POFUT3: variants seen among roughly 807,000 people sequenced by gnomAD.
POFUT3 encodes the protein GDP-fucose protein O-fucosyltransferase 3.
the POFUT3 span, among the ~76,000 whole-genome samples, chr8:33,380,134 A>AC: frequency 4.9e-4 from 36 of 73,408 alleles, 2 homozygotes; most frequent in Non-Finnish European, 7.0e-4. Context: ...CTATATATAT[A>AC]TACTATATAT....
the POFUT3 span, among the ~76,000 whole-genome samples, chr8:33,342,705 T>TA: frequency 6.6e-6 from 1 of 152,134 alleles, no homozygotes; most frequent in Non-Finnish European, 1.5e-5. Flanking sequence ...ACTCAAACAT[T>TA]GTTAGTAGGA....
At chr8:33,375,547 C>T in the POFUT3 span, among the ~76,000 whole-genome samples, 19 of 151,730 alleles carry the variant, frequency 1.3e-4, no homozygotes, top group South Asian at 4.0e-3. Context: ...CTGACAGGTA[C>T]ATGGAAAAAT....
the POFUT3 span, among the ~76,000 whole-genome samples, chr8:33,315,528 G>A: frequency 9.7e-4 from 147 of 152,192 alleles, 1 homozygote; most frequent in East Asian, 7.4e-3. Context: ...TGTGACGGTC[G>A]TGAAGAGGGG....
the POFUT3 span, among the ~76,000 whole-genome samples, chr8:33,366,436 T>TA: frequency 4.0e-4 from 58 of 144,580 alleles, no homozygotes; most frequent in South Asian, 2.2e-3. Context: ...ACTTTTCAAC[T>TA]AAAAAAAAAA....
At chr8:33,428,128 GA>G in the POFUT3 span, among the ~76,000 whole-genome samples, 3 of 148,290 alleles carry the variant, frequency 2.0e-5, no homozygotes, top group Non-Finnish European at 3.0e-5. Context: ...GTCTCAAAAA[GA>G]AAAAAAAAAT....
chr8:33,378,401 A>G, the POFUT3 span, among the ~76,000 whole-genome samples: 1 of 152,162 alleles, frequency 6.6e-6, no homozygotes, highest in African/African-American at 2.4e-5. Context: ...CTAGAATCCT[A>G]TCATGATACC....
At chr8:33,410,403 G>C in the POFUT3 span, among the ~76,000 whole-genome samples, 1 of 152,128 alleles carries the variant, frequency 6.6e-6, no homozygotes, top group Non-Finnish European at 1.5e-5. Flanking sequence ...GCAAATAGCT[G>C]GCATCTGGGC....
chr8:33,363,483 C>T, the POFUT3 span, among the ~76,000 whole-genome samples: 8 of 151,734 alleles, frequency 5.3e-5, no homozygotes, highest in East Asian at 3.9e-4. Flanking sequence ...ATTCAGAAGC[C>T]GGTTTTTTGA....
chr8:33,433,872 G>C, the POFUT3 span, among the ~76,000 whole-genome samples: 1 of 151,954 alleles, frequency 6.6e-6, no homozygotes, highest in African/African-American at 2.4e-5. Context: ...GGAGGCTGAA[G>C]TGGGAGGATC....
At chr8:33,449,934 T>TC in the POFUT3 span, among the ~76,000 whole-genome samples, 1 of 112,744 alleles carries the variant, frequency 8.9e-6, no homozygotes, top group African/African-American at 3.5e-5. Context: ...ATGAAGCTTT[T>TC]CTTTTTTTTT....
chr8:33,428,745 T>A, the POFUT3 span, among the ~76,000 whole-genome samples: 1 of 152,152 alleles, frequency 6.6e-6, no homozygotes, highest in African/African-American at 2.4e-5. Context: ...ATAAAAGGGT[T>A]TGAGACTATG....
At chr8:33,410,490 G>A in the POFUT3 span, among the ~76,000 whole-genome samples, 46 of 152,062 alleles carry the variant, frequency 3.0e-4, no homozygotes, top group Non-Finnish European at 6.2e-4. Flanking sequence ...TGGTGACTGT[G>A]AGACAGGAAA....
chr8:33,351,127 G>A, the POFUT3 span, among the ~76,000 whole-genome samples: 1 of 152,102 alleles, frequency 6.6e-6, no homozygotes, highest in South Asian at 2.1e-4. Context: ...GCTAGTTTTT[G>A]TTTTCTTAGT....
At chr8:33,338,315 AT>A in the POFUT3 span, among the ~76,000 whole-genome samples, 63 of 148,318 alleles carry the variant, frequency 4.2e-4, 1 homozygote, top group African/African-American at 9.1e-4. Flanking sequence ...ATTCTACCCA[AT>A]TTTTTTTTTT....
chr8:33,335,151 A>ATGTGTGTGTGTGTGTGTGTGTG, the POFUT3 span, among the ~76,000 whole-genome samples: 3 of 145,774 alleles, frequency 2.1e-5, no homozygotes, highest in African/African-American at 7.5e-5. Flanking sequence ...AAAGAAATAT[A>ATGTGTGTGTGTGTGTGTGTGTG]TGTGTGTGTG....
At chr8:33,317,931 C>G in the POFUT3 span, among the ~76,000 whole-genome samples, 1 of 152,160 alleles carries the variant, frequency 6.6e-6, no homozygotes, top group East Asian at 1.9e-4. Flanking sequence ...CATGTATTCA[C>G]TGCTCTGTTC....
the POFUT3 span, among the ~76,000 whole-genome samples, chr8:33,353,865 C>T: frequency 6.6e-6 from 1 of 152,160 alleles, no homozygotes; most frequent in Non-Finnish European, 1.5e-5. Flanking sequence ...TTGGGGATTT[C>T]CTGAAATCAA....
the POFUT3 span, among the ~76,000 whole-genome samples, chr8:33,415,122 T>C: frequency 6.6e-6 from 1 of 151,908 alleles, no homozygotes; most frequent in Non-Finnish European, 1.5e-5. Flanking sequence ...ACTAGCTGGC[T>C]GTGGTGGCAT....
At chr8:33,316,584 GA>G in the POFUT3 span, among the ~76,000 whole-genome samples, 2 of 148,826 alleles carry the variant, frequency 1.3e-5, no homozygotes, top group Non-Finnish European at 3.0e-5. Context: ...AAGAAAGAAA[GA>G]AAGAAAGAAA....
Sources: allele counts gnomAD v4.1 joint callset (sites outside exome capture counted in the v4.1 genomes callset), GRCh38; gene constraint gnomAD v4.1.1; transcripts MANE v1.5; gene names NCBI Gene and HGNC (gene_info 2026-07-23, HGNC 2026-07-21).